The following GRK3 variants were observed in gnomAD, a reference collection of about 807,000 sequenced individuals.
GRK3 encodes the protein G protein-coupled receptor kinase 3.
A neutral mutation model predicts 95.7 loss-of-function variants in GRK3; 54 were observed. The observed-to-expected ratio is 0.56, with a 90% CI of 0.45 to 0.71. GRK3 has a LOEUF of 0.71. Among genes scored for constraint, GRK3 ranks in the 30% least tolerant of loss-of-function variants. The pLI is 0.00. For missense variants in GRK3, 649 were observed against 851.2 expected, an observed-to-expected ratio of 0.76 and a Z score of 2.96; for synonymous variants, 281 against 290.8, an observed-to-expected ratio of 0.97 and a Z score of 0.34.
intron 9 of GRK3, among the ~76,000 whole-genome samples, chr22:25,683,358 A>G (rs896956031): frequency 3.3e-5 from 5 of 152,220 alleles, no homozygotes; most frequent in South Asian, 4.1e-4. Flanking sequence ...CTTGGTGCAC[A>G]TAAGTACAGA....
intron 11 of GRK3, among the ~76,000 whole-genome samples, chr22:25,689,759 G>A (rs1270076691): frequency 6.6e-6 from 1 of 152,158 alleles, no homozygotes; most frequent in African/African-American, 2.4e-5. Flanking sequence ...CTTCCTGTCT[G>A]TCCTGTGCTT....
intron 12 of GRK3, among the ~76,000 whole-genome samples, 181 bp downstream of exon 12, chr22:25,690,464 A>G (rs1285112339): frequency 6.6e-6 from 1 of 152,230 alleles, no homozygotes; most frequent in African/African-American, 2.4e-5. Context: ...TGCGGAGAGC[A>G]GGAATTAACC....
chr22:25,610,130 C>T (rs1258374609), intron 2 of GRK3, among the ~76,000 whole-genome samples: 6 of 152,190 alleles, frequency 3.9e-5, no homozygotes, highest in East Asian at 1.9e-4. Context: ...GGATTACAGG[C>T]GTGAGCCACC....
At chr22:25,595,484 T>A (rs775529872) in intron 1 of GRK3, among the ~76,000 whole-genome samples, 15 of 152,142 alleles carry the variant, frequency 9.9e-5, no homozygotes, top group Non-Finnish European at 1.6e-4. Flanking sequence ...CCACATTCTT[T>A]GAGCTAAAAA....
intron 2 of GRK3, among the ~76,000 whole-genome samples, chr22:25,634,110 T>G (rs2084683308): frequency 6.6e-6 from 1 of 152,238 alleles, no homozygotes; most frequent in African/African-American, 2.4e-5. Flanking sequence ...TTTGATTTAT[T>G]TTATTTAGAG....
intron 2 of GRK3, among the ~76,000 whole-genome samples, chr22:25,610,189 G>A (rs944016559): frequency 1.3e-5 from 2 of 152,148 alleles, no homozygotes; most frequent in Non-Finnish European, 2.9e-5. Flanking sequence ...TTGTCCAGGT[G>A]TGGTGGCTCA....
intron 3 of GRK3, among the ~76,000 whole-genome samples, chr22:25,660,739 C>G (rs1381487577): frequency 1.3e-5 from 2 of 152,102 alleles, no homozygotes; most frequent in Non-Finnish European, 2.9e-5. Context: ...ATCTTTGTGA[C>G]AGTTTCCCTC....
intron 1 of GRK3, among the ~76,000 whole-genome samples, chr22:25,593,779 G>A (rs1214322941): frequency 2.0e-5 from 3 of 151,942 alleles, no homozygotes; most frequent in African/African-American, 4.8e-5. Flanking sequence ...GGACTTTTTT[G>A]TATATGGTAA....
chr22:25,674,358 A>G, intron 7 of GRK3, 79 bp from the exon 8 acceptor site: 1 of 1,126,680 alleles, frequency 8.9e-7, no homozygotes, highest in Non-Finnish European at 1.3e-6. Context: ...ATTACTGTCT[A>G]TGTTTTGCAT....
intron 1 of GRK3, among the ~76,000 whole-genome samples, chr22:25,582,115 A>G (rs1361605681): frequency 6.6e-6 from 1 of 152,082 alleles, no homozygotes; most frequent in Non-Finnish European, 1.5e-5. Flanking sequence ...CGTCGCTACT[A>G]AAAATACAAA....
chr22:25,590,333 T>C (rs1410085285), intron 1 of GRK3, among the ~76,000 whole-genome samples: 2 of 152,144 alleles, frequency 1.3e-5, no homozygotes, highest in African/African-American at 4.8e-5. Context: ...GAATACTGTT[T>C]TACTTGAATT....
intron 1 of GRK3, among the ~76,000 whole-genome samples, chr22:25,575,210 T>C (rs1016651265): frequency 6.6e-6 from 1 of 152,250 alleles, no homozygotes; most frequent in Non-Finnish European, 1.5e-5. Context: ...TTTCAAAATA[T>C]TTTAAAAATT....
At chr22:25,643,638 A>G (rs1302370946) in intron 2 of GRK3, among the ~76,000 whole-genome samples, 1 of 152,138 alleles carries the variant, frequency 6.6e-6, no homozygotes, top group Non-Finnish European at 1.5e-5. Context: ...AAGTATCTCT[A>G]CCTTCAGTCT....
chr22:25,565,064 G>C lies in GRK3; in HGVS notation c.24G>C (p.Leu8=). The change falls in exon 1 of 21, where the codon CTG becomes CTC. Residue 8 remains leucine, a synonymous_variant. Transcript: ENST00000324198. ...ACATGGCGGACCTGGAGGCTGTGCT[G>C]GCCGATGTCAGTTACCTGATGGCCA... MADLEAV[L]ADVSYLMAME... is the part of the protein sequence containing the mutation. 6.5e-7 allele frequency: 1 copy of C among 1,528,094 alleles called. No homozygotes were observed. The highest frequency in any genetic ancestry group is 8.8e-7 in the Non-Finnish European group (1 of 1,140,508). The allele number at this position is 1,528,094 out of a possible 1,614,324, so 94.7% of individuals were successfully genotyped here.
chr22:25,577,666 A>T (rs1036039524), intron 1 of GRK3, among the ~76,000 whole-genome samples: 3 of 152,200 alleles, frequency 2.0e-5, no homozygotes, highest in African/African-American at 7.2e-5. Flanking sequence ...TTCACCTAGT[A>T]ATGCACGTGG....
intron 2 of GRK3, among the ~76,000 whole-genome samples, chr22:25,640,718 A>T (rs576594784): frequency 1.3e-5 from 2 of 152,228 alleles, no homozygotes; most frequent in African/African-American, 2.4e-5. Context: ...TATAAAAAGC[A>T]ATACAATTCT....
intron 19 of GRK3, 22 bp downstream of exon 19, chr22:25,718,403 C>T (rs778225598): frequency 6.0e-5 from 97 of 1,612,614 alleles, no homozygotes; most frequent in South Asian, 4.7e-4. Flanking sequence ...GCAGCCTCAC[C>T]GAGCATGTTT....
intron 1 of GRK3, among the ~76,000 whole-genome samples, chr22:25,583,271 G>A (rs1358373621): frequency 6.6e-6 from 1 of 152,028 alleles, no homozygotes; most frequent in Non-Finnish European, 1.5e-5. Context: ...TTCATAGGTG[G>A]TAATTTAGGA....
At chr22:25,566,355 T>C (rs1480737894) in intron 1 of GRK3, among the ~76,000 whole-genome samples, 1 of 152,248 alleles carries the variant, frequency 6.6e-6, no homozygotes, top group East Asian at 1.9e-4. Flanking sequence ...GCTTAAATGT[T>C]ACCTAATGCT....
Sources: gnomAD v4.1 joint callset for allele counts (sites outside exome capture counted in the v4.1 genomes callset) on GRCh38, gnomAD v4.1.1 for gene constraint, MANE v1.5 for transcripts, NCBI Gene and HGNC (gene_info 2026-07-23, HGNC 2026-07-21) for gene names.